Variants in PPP2R5D observed in about 807,000 individuals in gnomAD.
PPP2R5D encodes the protein serine/threonine-protein phosphatase 2A 56 kDa regulatory subunit delta isoform.
PPP2R5D carries 12 observed loss-of-function variants against 79.1 expected under a neutral mutation model. The observed-to-expected ratio is 0.15, with a 90% confidence interval of 0.10 to 0.25. PPP2R5D has a LOEUF of 0.25. PPP2R5D is among the 10% of genes least tolerant of loss of function. The pLI is 1.00. For synonymous variants in PPP2R5D, 277 were observed against 286.6 expected (o/e 0.97, Z 0.34); for missense variants, 419 against 760.2 (o/e 0.55, Z 5.28).
Position 43,008,848 on chromosome 6 carries a change from T to A in PPP2R5D, c.1080+102T>A, listed in dbSNP as rs1308598022. 7.3e-7 allele frequency: 1 copy of A among 1,375,878 alleles called. No homozygotes were observed. The allele number at this position is 1,375,878 out of a possible 1,614,324, so 85.2% of individuals were successfully genotyped here. ...CATAAGGGGGAACTCAGGAGGGCTGTGACCTGACCGGTAACATGGTTTCCT... is the reference window on the plus strand; with the variant it reads ...CATAAGGGGGAACTCAGGAGGGCTGAGACCTGACCGGTAACATGGTTTCCT... On this transcript the variant is annotated intron_variant, in intron 10 of 15. Coordinates refer to ENST00000485511, the MANE Select transcript of PPP2R5D (RefSeq NM_006245.4). The surrounding 1 kb of genome is among the most constrained non-coding windows in gnomAD (Gnocchi z 4.2).
chr6:42,989,904 A>G (rs1242435114), intron 2 of PPP2R5D, among the ~76,000 whole-genome samples: 1 of 152,206 alleles, frequency 6.6e-6, no homozygotes, highest in Non-Finnish European at 1.5e-5. Context: ...CTCCCCAGAG[A>G]TTCCTATGAA....
intron 1 of PPP2R5D, among the ~76,000 whole-genome samples, chr6:42,985,277 T>G (rs1770751134): frequency 6.6e-6 from 1 of 152,188 alleles, no homozygotes; most frequent in African/African-American, 2.4e-5. Context: ...TAGTTCTTCC[T>G]TCACACACAA....
In PPP2R5D at chr6:43,009,413, C is replaced by T; in HGVS notation, c.1343C>T (p.Pro448Leu). ...GCCCGAGTCCTCCCCATCATGTTCCCTGCACTCTACAGGAACTCCAAGAGC... is the reference window on the plus strand; with the variant it reads ...GCCCGAGTCCTCCCCATCATGTTCCTTGCACTCTACAGGAACTCCAAGAGC... Reference protein sequence around the residue: ...NAARVLPIMFPALYRNSKSHW... With the variant: ...NAARVLPIMFLALYRNSKSHW... Residue 448 changes from proline (P) to leucine (L), a missense_variant, in exon 12 of 16, where the codon CCT becomes CTT. Physicochemically the swap from Pro to Leu is moderately conservative, Grantham distance 98. Around this residue, in one of 5 missense-constraint regions of PPP2R5D, gnomAD observed 196 missense variants for 424.5 expected, o/e 0.46. Transcript: ENST00000485511. The surrounding 1 kb of genome is among the most constrained non-coding windows in gnomAD (Gnocchi z 5.6). The T allele has an allele frequency of 6.2e-7, 1 of 1,614,122 alleles. No homozygotes were observed. The highest frequency in any genetic ancestry group is 8.5e-7 in the Non-Finnish European group (1 of 1,180,030).
rs138312697 is a variant in PPP2R5D at position 42,992,181 on chromosome 6, T to C, written c.105+2493T>C. ...TTCACGCCATTCTCCTGCCTCAGCC[T>C]CCCGAGTAGCTGGGACTACAGGCTC... On this transcript the variant is annotated intron_variant, in intron 2 of 15. Coordinates refer to ENST00000485511, the MANE Select transcript of PPP2R5D (RefSeq NM_006245.4). 2.2e-3 allele frequency among the ~76,000 whole-genome samples: 329 copies of C among 152,230 alleles called. 7 individuals are homozygous for C. The highest frequency in any genetic ancestry group is 0.01 in the East Asian group (54 of 5,182).
chr6:42,997,222 C>T (rs145462707), intron 2 of PPP2R5D, among the ~76,000 whole-genome samples: 6,060 of 151,126 alleles, frequency 0.04, 384 homozygotes, highest in African/African-American at 0.14. Context: ...GACGGAGTTT[C>T]GCTGTTGTTT....
In PPP2R5D at chr6:43,010,650, C is replaced by T. The variant is rs1581862629; in HGVS notation, c.1482-14C>T. On this transcript the variant is annotated splice_polypyrimidine_tract_variant and intron_variant, in intron 13 of 15. Transcript: ENST00000485511. This position sits in a 1 kb window ranked among gnomAD's most constrained non-coding sequence, Gnocchi z 4.7. Reference sequence around the variant, plus strand: ...TCTCTCAAGCCCAACCCCAATCCTACTTTTGCTCCTCAGGGGCCGGTTCCG... The same window carrying T: ...TCTCTCAAGCCCAACCCCAATCCTATTTTTGCTCCTCAGGGGCCGGTTCCG... 3.7e-6 allele frequency: 6 copies of T among 1,614,098 alleles called. No individual in the cohort carries two copies. The African/African-American group carries it at 6.7e-5, about 18-fold the overall frequency.
Position 43,008,362 on chromosome 6 carries a change from C to T in PPP2R5D, c.918-5C>T, listed in dbSNP as rs766597810. On this transcript the variant is annotated splice_region_variant and splice_polypyrimidine_tract_variant and intron_variant, in intron 8 of 15. Transcript: ENST00000485511. The surrounding 1 kb of genome is among the most constrained non-coding windows in gnomAD (Gnocchi z 4.2). ...TGGTCCTAACAAATGTCCCTTAATT[C>T]CTAGCATCATCAATGGCTTTGCCCT... 10 of 1,613,612 alleles carry T rather than the reference C, an allele frequency of 6.2e-6. No homozygotes were observed. The Middle Eastern group carries it at 6.6e-4, about 106-fold the overall frequency.
Position 43,010,616 on chromosome 6 carries a change from C to A in PPP2R5D, c.1481+47C>A. The A allele has an allele frequency of 6.2e-7, 1 of 1,613,056 alleles. No individual in the cohort carries two copies. The highest frequency in any genetic ancestry group is 8.5e-7 in the Non-Finnish European group (1 of 1,178,984). Reference sequence around the variant, plus strand: ...AGACTTTCATCTTCTACCACCAGCTCACTGTGTTTCTCTCAAGCCCAACCC... The same window carrying A: ...AGACTTTCATCTTCTACCACCAGCTAACTGTGTTTCTCTCAAGCCCAACCC... On this transcript the variant is annotated intron_variant, in intron 13 of 15. Coordinates refer to ENST00000485511, the MANE Select transcript of PPP2R5D (RefSeq NM_006245.4). This position sits in a 1 kb window ranked among gnomAD's most constrained non-coding sequence, Gnocchi z 4.7.
In PPP2R5D at chr6:43,007,048, G is replaced by C; in HGVS notation, c.460G>C (p.Glu154Gln). 1 of 1,614,174 alleles carries C rather than the reference G, an allele frequency of 6.2e-7. No individual in the cohort carries two copies. The highest frequency in any genetic ancestry group is 8.5e-7 in the Non-Finnish European group (1 of 1,180,040). ...GCGGGCAGGACTCAACGAGATGGTG[G>C]AGTACATCACCCATAGCCGTGATGT... ...VKRAGLNEMV[E>Q]YITHSRDVVT... Residue 154 changes from glutamate (E) to glutamine (Q), a missense_variant, in exon 4 of 16, where the codon GAG (glutamate) becomes CAG (glutamine). Around this residue, in one of 5 missense-constraint regions of PPP2R5D, gnomAD observed 29 missense variants for 64.2 expected, o/e 0.45. Coordinates refer to ENST00000485511, the MANE Select transcript of PPP2R5D (RefSeq NM_006245.4). This position sits in a 1 kb window ranked among gnomAD's most constrained non-coding sequence, Gnocchi z 4.5.
At chr6:43,002,030 TA>T (rs1363577842) in intron 2 of PPP2R5D, among the ~76,000 whole-genome samples, 11 of 152,188 alleles carry the variant, frequency 7.2e-5, no homozygotes, top group Admixed American at 5.2e-4. Flanking sequence ...TCCCATTTTG[TA>T]GATGAGAAAA....
At chr6:42,993,973 C>G (rs1254563984) in intron 2 of PPP2R5D, among the ~76,000 whole-genome samples, 2 of 152,150 alleles carry the variant, frequency 1.3e-5, no homozygotes, top group African/African-American at 4.8e-5. Flanking sequence ...CCTGAGATTC[C>G]TTTATTATTA....
chr6:43,005,667 G>T (rs985655049), intron 2 of PPP2R5D, among the ~76,000 whole-genome samples: 1 of 151,686 alleles, frequency 6.6e-6, no homozygotes, highest in African/African-American at 2.4e-5. Flanking sequence ...TGTCCCCCAG[G>T]CTGGAGTGCA....
Position 43,007,261 on chromosome 6 carries a change from A to C in PPP2R5D, c.588A>C (p.Pro196=). 6.2e-7 allele frequency: 1 copy of C among 1,614,144 alleles called. No homozygotes were observed. Among genetic ancestry groups the C allele is most frequent in the Non-Finnish European group, 8.5e-7 (1 of 1,180,024 alleles). The change falls in exon 5 of 16, where the codon CCA becomes CCC. Residue 196 remains proline (P), a synonymous_variant. Coordinates refer to ENST00000485511, the MANE Select transcript of PPP2R5D (RefSeq NM_006245.4). This position sits in a 1 kb window ranked among gnomAD's most constrained non-coding sequence, Gnocchi z 4.5. The part of the protein sequence containing the change: ...SSNPTGAEFD[P]EEDEPTLEAA... ...ATCCCACAGGGGCTGAGTTTGACCC[A>C]GAGGAAGATGAGCCCACCCTGGAAG...
chr6:43,006,019 T>A lies in PPP2R5D; in HGVS notation c.106-444T>A, dbSNP rs1052831771. ...GGTATGTATCTGCCATGCACCACCTTGCAGGTCCAGTCAAGATACAGGATG... is the reference window on the plus strand; with the variant it reads ...GGTATGTATCTGCCATGCACCACCTAGCAGGTCCAGTCAAGATACAGGATG... On this transcript the variant is annotated intron_variant, in intron 2 of 15. Transcript: ENST00000485511. The surrounding 1 kb of genome is among the most constrained non-coding windows in gnomAD (Gnocchi z 4.7). 1.3e-5 allele frequency among the ~76,000 whole-genome samples: 2 copies of A among 152,224 alleles called. No individual in the cohort carries two copies. The highest frequency in any genetic ancestry group is 2.9e-5 in the Non-Finnish European group (2 of 68,044).
At chr6:42,998,309 G>A (rs528764952) in intron 2 of PPP2R5D, among the ~76,000 whole-genome samples, 154 of 151,194 alleles carry the variant, frequency 1.0e-3, no homozygotes, top group African/African-American at 3.6e-3. Flanking sequence ...TCCTGATCTC[G>A]TGATCTGCCT....
In PPP2R5D at chr6:42,984,655, G is replaced by A. The variant is rs369753644; in HGVS notation, c.-23G>A. On this transcript the variant is annotated 5_prime_UTR_variant, in exon 1 of 16. Transcript: ENST00000485511. The stretch of plus-strand genomic sequence containing the variant: ...GAGCCGGAGCGGGGCCGCAGGAGAC[G>A]GGCCGGGTCCGGACGGGCCGAGATG... 25 of 1,595,430 alleles carry A rather than the reference G, an allele frequency of 1.6e-5. No homozygotes were observed. Among genetic ancestry groups the A allele is most frequent in the Middle Eastern group, 3.5e-4 (2 of 5,688 alleles).
Position 42,987,522 on chromosome 6 carries a change from A to T in PPP2R5D, c.28-2089A>T, listed in dbSNP as rs141284305. Among the ~76,000 whole-genome samples, 1,179 of 152,316 alleles carry T rather than the reference A, an allele frequency of 7.7e-3. 7 individuals are homozygous for T. Among genetic ancestry groups the T allele is most frequent in the Non-Finnish European group, 0.014 (937 of 68,024 alleles). On this transcript the variant is annotated intron_variant, in intron 1 of 15. Coordinates refer to ENST00000485511, the MANE Select transcript of PPP2R5D (RefSeq NM_006245.4). Reference sequence around the variant, plus strand: ...TTGTCATCATCTAATAGATGAGGAAACTGAGGCTCAGAGAGGCTAGTTAAC... The same window carrying T: ...TTGTCATCATCTAATAGATGAGGAATCTGAGGCTCAGAGAGGCTAGTTAAC...
At chr6:42,990,511 C>T (rs779474876) in intron 2 of PPP2R5D, among the ~76,000 whole-genome samples, 8 of 151,962 alleles carry the variant, frequency 5.3e-5, no homozygotes, top group Non-Finnish European at 8.8e-5. Flanking sequence ...GTTAACTATG[C>T]GTTTAGATGT....
chr6:42,995,132 T>C (rs866410483), intron 2 of PPP2R5D, among the ~76,000 whole-genome samples: 3 of 136,652 alleles, frequency 2.2e-5, no homozygotes, highest in Admixed American at 1.4e-4. Flanking sequence ...CTTTCTTTTT[T>C]TTTTTTTTTT....
Sources: gnomAD v4.1 joint callset for allele counts (sites outside exome capture counted in the v4.1 genomes callset) on GRCh38, gnomAD v4.1.1 for gene constraint, gnomAD v4.1.1 regional missense constraint, Gnocchi (gnomAD v3.1) non-coding constraint, MANE v1.5 for transcripts, NCBI Gene and HGNC (gene_info 2026-07-23, HGNC 2026-07-21) for gene names.